Variants in THSD7B observed in about 807,000 individuals in gnomAD.
THSD7B encodes thrombospondin type-1 domain-containing protein 7B.
In THSD7B, 138 loss-of-function variants were observed where a neutral mutation model predicts 213.6. The ratio of observed to expected loss-of-function variants is 0.65; its 90% confidence interval spans 0.56 to 0.74. The LOEUF (loss-of-function observed/expected upper bound fraction) is 0.74, where lower values mean the gene tolerates loss of function less well. Among genes scored for constraint, THSD7B ranks in the 30% least tolerant of loss-of-function variants. The pLI is 0.00. For missense variants in THSD7B, 1,931 were observed against 1,991.5 expected (o/e 0.97, Z 0.58); for synonymous variants, 742 against 687.0 (o/e 1.08, Z -1.25).
intron 15 of THSD7B, among the ~76,000 whole-genome samples, chr2:137,490,054 T>A (rs1248716277): frequency 2.0e-5 from 3 of 152,202 alleles, no homozygotes; most frequent in Admixed American, 6.5e-5. Context: ...ACATTGAACA[T>A]ACCATATGAT....
At chr2:136,832,037 A>G (rs999158530) in intron 1 of THSD7B, among the ~76,000 whole-genome samples, 1 of 152,170 alleles carries the variant, frequency 6.6e-6, no homozygotes, top group South Asian at 2.1e-4. Context: ...AAGGCTGTTG[A>G]GGCTGGAACC....
chr2:137,149,115 A>G (rs913238717), intron 5 of THSD7B, among the ~76,000 whole-genome samples: 42 of 152,196 alleles, frequency 2.8e-4, no homozygotes, highest in African/African-American at 1.0e-3. Context: ...AGCCATGGCT[A>G]AAAGGAGCCA....
intron 14 of THSD7B, 41 bp from the exon 15 acceptor site, chr2:137,450,804 A>G (rs767296229): frequency 6.8e-7 from 1 of 1,461,618 alleles, no homozygotes; most frequent in Non-Finnish European, 9.3e-7. Context: ...TGATCAGTAC[A>G]TTTTAATCAG....
chr2:137,363,202 T>A (rs1233522822), intron 12 of THSD7B, among the ~76,000 whole-genome samples: 1 of 151,938 alleles, frequency 6.6e-6, no homozygotes. Flanking sequence ...AACAAAGACA[T>A]AATGTAGCAG....
In THSD7B at chr2:137,017,434, G is replaced by A. The variant is rs527512977; in HGVS notation, c.140-38986G>A. 9.9e-5 allele frequency among the ~76,000 whole-genome samples: 15 copies of A among 152,224 alleles called. No individual in the cohort carries two copies. In the South Asian group the frequency reaches 2.9e-3, roughly 30 times the overall value. On this transcript the variant is annotated intron_variant, in intron 2 of 27. Coordinates refer to ENST00000409968, the MANE Select transcript of THSD7B (RefSeq NM_001316349.2). ...GGACTGCCAGTATTAGCCAGGACAA[G>A]CAGAGGAGAAGATGGCTCAAGTGAG...
intron 2 of THSD7B, among the ~76,000 whole-genome samples, chr2:136,961,013 C>T (rs1161295248): frequency 3.2e-5 from 4 of 123,258 alleles, no homozygotes; most frequent in East Asian, 2.9e-4. Flanking sequence ...GGCGTGAACC[C>T]GGGAGATGGA....
chr2:137,597,046 G>A (rs555141055), intron 17 of THSD7B, among the ~76,000 whole-genome samples: 3 of 152,206 alleles, frequency 2.0e-5, no homozygotes, highest in African/African-American at 7.2e-5. Context: ...TTTGAAACTA[G>A]CATTATTAGT....
chr2:136,864,643 C>T (rs1208475206), intron 1 of THSD7B, among the ~76,000 whole-genome samples: 3 of 152,070 alleles, frequency 2.0e-5, no homozygotes, highest in Non-Finnish European at 4.4e-5. Context: ...AGCTCCACCT[C>T]CCAGGTTCAC....
At chr2:136,924,991 T>G (rs1180021092) in intron 2 of THSD7B, among the ~76,000 whole-genome samples, 1 of 152,240 alleles carries the variant, frequency 6.6e-6, no homozygotes, top group Non-Finnish European at 1.5e-5. Context: ...TAAATAGAAA[T>G]GCAACTGAAT....
At chr2:137,014,697 C>T (rs1352269727) in intron 2 of THSD7B, among the ~76,000 whole-genome samples, 1 of 152,216 alleles carries the variant, frequency 6.6e-6, no homozygotes, top group Non-Finnish European at 1.5e-5. Context: ...GCTTCCGTGA[C>T]TCCAACATGA....
chr2:137,017,462 T>C (rs1052073947), intron 2 of THSD7B, among the ~76,000 whole-genome samples: 1 of 152,046 alleles, frequency 6.6e-6, no homozygotes, highest in African/African-American at 2.4e-5. Flanking sequence ...CAAGTGAGGT[T>C]GAAAGAGGGC....
At chr2:137,209,275 T>C (rs964739701) in intron 7 of THSD7B, among the ~76,000 whole-genome samples, 1 of 152,072 alleles carries the variant, frequency 6.6e-6, no homozygotes, top group African/African-American at 2.4e-5. Context: ...ATAGCTGACT[T>C]TACTAGATTC....
intron 12 of THSD7B, among the ~76,000 whole-genome samples, chr2:137,362,039 T>C (rs1181819303): frequency 1.3e-5 from 2 of 152,008 alleles, no homozygotes; most frequent in Admixed American, 6.6e-5. Flanking sequence ...GATCTCTCGG[T>C]AGAAACTCTA....
intron 1 of THSD7B, among the ~76,000 whole-genome samples, chr2:136,878,664 G>A (rs1191102072): frequency 1.3e-5 from 2 of 152,044 alleles, no homozygotes; most frequent in Admixed American, 6.6e-5. Context: ...TTCTCTGATG[G>A]CCAGTGATGA....
At chr2:137,197,069 T>A (rs1680779366) in intron 7 of THSD7B, among the ~76,000 whole-genome samples, 2 of 152,136 alleles carry the variant, frequency 1.3e-5, no homozygotes, top group Admixed American at 6.5e-5. Context: ...TTCGGACCAA[T>A]GCAAATTAGA....
At chr2:137,473,085 TATTA>T (rs1234066433) in intron 15 of THSD7B, among the ~76,000 whole-genome samples, 3 of 151,356 alleles carry the variant, frequency 2.0e-5, no homozygotes, top group African/African-American at 7.3e-5. Context: ...AAACAAATAC[TATTA>T]ATTGTTTTTT....
chr2:137,309,562 T>C (rs1683840892), intron 12 of THSD7B, among the ~76,000 whole-genome samples: 1 of 152,222 alleles, frequency 6.6e-6, no homozygotes, highest in East Asian at 1.9e-4. Flanking sequence ...ATGTGCAGGT[T>C]AGTTACATAT....
At chr2:137,028,259 C>T (rs915338398) in intron 2 of THSD7B, among the ~76,000 whole-genome samples, 1 of 152,140 alleles carries the variant, frequency 6.6e-6, no homozygotes, top group East Asian at 1.9e-4. Context: ...GAACTTTATA[C>T]ACTGCATTGG....
intron 15 of THSD7B, among the ~76,000 whole-genome samples, chr2:137,520,445 CAGAAG>C (rs1680164576): frequency 6.6e-6 from 1 of 152,186 alleles, no homozygotes; most frequent in Admixed American, 6.5e-5. Flanking sequence ...CTGCATTTAA[CAGAAG>C]AGAAAATTAG....
Sources: gnomAD v4.1 joint callset for allele counts (sites outside exome capture counted in the v4.1 genomes callset) on GRCh38, gnomAD v4.1.1 for gene constraint, MANE v1.5 for transcripts, NCBI Gene and HGNC (gene_info 2026-07-23, HGNC 2026-07-21) for gene names.